PRDX5: variants seen among roughly 807,000 people sequenced by gnomAD.
The protein encoded by PRDX5 is peroxiredoxin 5.
A neutral mutation model predicts 23.8 loss-of-function variants in PRDX5; 21 were observed. That is an observed-to-expected ratio of 0.88 (90% CI 0.63 to 1.27). The LOEUF (loss-of-function observed/expected upper bound fraction) is 1.27, where lower values mean the gene tolerates loss of function less well. Among genes scored for constraint, PRDX5 ranks in the 50% most tolerant of loss-of-function variants. The pLI is 0.00. For synonymous variants in PRDX5, 111 were observed against 113.3 expected, an observed-to-expected ratio of 0.98 and a Z score of 0.13; for missense variants, 261 against 270.6, an observed-to-expected ratio of 0.96 and a Z score of 0.25.
intron 1 of PRDX5, 140 bp downstream of exon 1, chr11:64,318,526 C>T (rs1384806991): frequency 6.2e-6 from 7 of 1,125,818 alleles, no homozygotes; most frequent in Non-Finnish European, 7.5e-6. Context: ...TTCAGAAGGC[C>T]CTCGTGGCTG....
intron 2 of PRDX5, 102 bp downstream of exon 2, chr11:64,319,970 C>G: frequency 1.4e-6 from 2 of 1,472,324 alleles, no homozygotes; most frequent in Non-Finnish European, 1.8e-6. Context: ...CATTTCAGTG[C>G]CATCACAAAA....
chr11:64,320,415 G>A (rs1320731985), intron 2 of PRDX5, among the ~76,000 whole-genome samples: 1 of 152,218 alleles, frequency 6.6e-6, no homozygotes, highest in African/African-American at 2.4e-5. Context: ...TGTGGAAGGT[G>A]CTTGGGACTC....
At chr11:64,318,588 G>C (rs956559208) in intron 1 of PRDX5, among the ~76,000 whole-genome samples, 2 of 152,110 alleles carry the variant, frequency 1.3e-5, no homozygotes, top group African/African-American at 4.8e-5. Flanking sequence ...CAGTCCCGAG[G>C]CATTGTGTTT....
At position 64,318,386 on chromosome 11, in the gene PRDX5, G is replaced by A. The variant is rs560433484; in HGVS notation, c.171G>A (p.Lys57=). ...SRAAAAMAPI[K]VGDAIPAVEV... Reference sequence around the variant, plus strand: ...CCGCTGCAGCCATGGCCCCAATCAAGGTGACCGCTGGCCCGGCCGGGCCTG... The same window carrying A: ...CCGCTGCAGCCATGGCCCCAATCAAAGTGACCGCTGGCCCGGCCGGGCCTG... The change falls in exon 1 of 6, where the codon AAG becomes AAA. Residue 57 remains lysine (K), a splice_region_variant and synonymous_variant. Transcript: ENST00000265462. 4 of 1,604,004 alleles carry A rather than the reference G, an allele frequency of 2.5e-6. No individual in the cohort carries two copies. The South Asian group carries it at 4.4e-5, about 18-fold the overall frequency.
chr11:64,320,580 T>C, intron 2 of PRDX5, 81 bp from the exon 3 acceptor site: 2 of 1,519,306 alleles, frequency 1.3e-6, no homozygotes, highest in Non-Finnish European at 8.8e-7. Flanking sequence ...GGCAGAGCAC[T>C]GAGGAGGGCC....
rs764663456 is a variant in PRDX5 at position 64,320,679 on chromosome 11, G to A, written c.325G>A (p.Val109Met). The change falls in exon 3 of 6, where the codon GTG becomes ATG. Residue 109 changes from valine (V) to methionine (M), a missense_variant. Val to Met is a conservative substitution (Grantham distance 21). Coordinates refer to ENST00000265462, the MANE Select transcript of PRDX5 (RefSeq NM_012094.5). ...TCCTCAGACACACCTGCCAGGGTTT[G>A]TGGAGCAGGCTGAGGCTCTGAAGGC... Reference protein sequence around the residue: ...GCSKTHLPGFVEQAEALKAKG... With the variant: ...GCSKTHLPGFMEQAEALKAKG... The A allele has an allele frequency of 1.2e-6, 2 of 1,604,222 alleles. No individual in the cohort carries two copies. Among genetic ancestry groups the A allele is most frequent in the Non-Finnish European group, 1.7e-6 (2 of 1,173,266 alleles).
At position 64,321,448 on chromosome 11, in the gene PRDX5, G is replaced by C. The variant is rs45534835; in HGVS notation, c.540-138G>C. Reference sequence around the variant, plus strand: ...TGGAGAGAGTCCTGTGTGGTGGTGAGTCCTCTGTGGGGGAGAGTCCTCTGT... The same window carrying C: ...TGGAGAGAGTCCTGTGTGGTGGTGACTCCTCTGTGGGGGAGAGTCCTCTGT... On this transcript the variant is annotated intron_variant, in intron 5 of 5. Transcript: ENST00000265462. 4 of 1,395,764 alleles carry C rather than the reference G, an allele frequency of 2.9e-6. No homozygotes were observed. The African/African-American group carries it at 5.8e-5, about 20-fold the overall frequency. 86.5% of individuals were successfully genotyped at this position (1,395,764 alleles called of 1,614,324 possible). A position where few individuals can be genotyped will look rare whatever the true frequency, so the allele number is the denominator to read the frequency against.
Position 64,319,524 on chromosome 11 carries a change from AG to A in PRDX5, c.172-208del, listed in dbSNP as rs1292563604. On this transcript the variant is annotated intron_variant, in intron 1 of 5. Coordinates refer to ENST00000265462, the MANE Select transcript of PRDX5 (RefSeq NM_012094.5). ...CTGTTGTCACCAATGGCCCCTTAAG[AG>A]GAGCAGGGCCACCTTGAAACTTGGA... 2.0e-5 allele frequency among the ~76,000 whole-genome samples: 3 copies of A among 152,312 alleles called. No homozygotes were observed. The East Asian group carries it at 5.8e-4, about 29-fold the overall frequency.
chr11:64,319,006 C>G (rs1355174458), intron 1 of PRDX5, among the ~76,000 whole-genome samples: 1 of 151,972 alleles, frequency 6.6e-6, no homozygotes, highest in Admixed American at 6.6e-5. Flanking sequence ...TGGCGAATTC[C>G]CACCTTTCTG....
rs774678310 is a variant in PRDX5, at chr11:64,318,314, C to G, written c.99C>G (p.Tyr33Ter). Residue 33 changes from tyrosine (Y) to a stop codon, truncating the protein, a stop_gained, in exon 1 of 6, where the codon TAC becomes TAG. Coordinates refer to ENST00000265462, the MANE Select transcript of PRDX5 (RefSeq NM_012094.5). LOFTEE classifies it high-confidence loss of function. ...GQSAAAAARRYSEGEWASGGV... is the reference protein window; with the variant it reads ...GQSAAAAARR ...CTGCGGCAGCGGCAGCAAGACGGTA[C>G]AGTGAAGGAGAGTGGGCGTCTGGCG... is the stretch of plus-strand genomic sequence containing the variant. The G allele has an allele frequency of 1.2e-6, 2 of 1,612,482 alleles. No individual in the cohort carries two copies. Among genetic ancestry groups the G allele is most frequent in the African/African-American group, 1.3e-5 (1 of 74,898 alleles).
intron 2 of PRDX5, among the ~76,000 whole-genome samples, chr11:64,320,392 A>G (rs952953751): frequency 6.6e-6 from 1 of 152,230 alleles, no homozygotes; most frequent in Non-Finnish European, 1.5e-5. Flanking sequence ...TGGTCCTGCT[A>G]AATGACAGGC....
intron 5 of PRDX5, 107 bp from the exon 6 acceptor site, chr11:64,321,479 G>A: frequency 1.3e-6 from 2 of 1,524,118 alleles, no homozygotes; most frequent in Non-Finnish European, 1.8e-6. Context: ...TCTGTGGGGG[G>A]AGTCCTCTCT....
At chr11:64,320,611 G>A in intron 2 of PRDX5, 50 bp from the exon 3 acceptor site, 1 of 1,542,152 alleles carries the variant, frequency 6.5e-7, no homozygotes, top group African/African-American at 1.4e-5. Context: ...GGGTGGGCTG[G>A]GGGTCAGATG....
intron 1 of PRDX5, 21 bp downstream of exon 1, chr11:64,318,407 G>A (rs764078661): frequency 5.0e-6 from 8 of 1,591,394 alleles, no homozygotes; most frequent in Non-Finnish European, 6.8e-6. Context: ...GCCCGGCCGG[G>A]CCTGACATCC....
chr11:64,321,782 T>G lies in PRDX5; in HGVS notation c.*91T>G, dbSNP rs541660908. The G allele has an allele frequency of 2.4e-5, 34 of 1,435,308 alleles. 1 individual carries two copies. The Admixed American group carries it at 7.5e-4, about 32-fold the overall frequency. The allele number at this position is 1,435,308 out of a possible 1,614,324, so 88.9% of individuals were successfully genotyped here. Reference sequence around the variant, plus strand: ...CTGCAATTGGAATGTTGGCCAGATTTCTGCAATAAACACTTGTGGTTTGCG... The same window carrying G: ...CTGCAATTGGAATGTTGGCCAGATTGCTGCAATAAACACTTGTGGTTTGCG... On this transcript the variant is annotated 3_prime_UTR_variant, in exon 6 of 6. Transcript: ENST00000265462.
rs562055323 is a variant in PRDX5, at chr11:64,318,237, G to T, written c.22G>T (p.Ala8Ser). 42 of 1,611,918 alleles carry T rather than the reference G, an allele frequency of 2.6e-5. No individual in the cohort carries two copies. Among genetic ancestry groups the T allele is most frequent in the Middle Eastern group, 4.4e-4 (2 of 4,508 alleles). Residue 8 changes from alanine (A) to serine (S), a missense_variant, in exon 1 of 6, where the codon GCC (alanine) becomes TCC (serine). Physicochemically the swap from Ala to Ser is moderately conservative, Grantham distance 99. Coordinates refer to ENST00000265462, the MANE Select transcript of PRDX5 (RefSeq NM_012094.5). MGLAGVC[A>S]LRRSAGYILV... ...GGGTATGGGACTAGCTGGCGTGTGC[G>T]CCCTGAGACGCTCAGCGGGCTATAT...
intron 1 of PRDX5, 101 bp from the exon 2 acceptor site, chr11:64,319,633 C>G (rs2035434912): frequency 6.9e-7 from 1 of 1,441,460 alleles, no homozygotes; most frequent in East Asian, 2.3e-5. Context: ...GGTTTCAGCC[C>G]CGGTTCCTGC....
chr11:64,321,726 T>C lies in PRDX5; in HGVS notation c.*35T>C. On this transcript the variant is annotated 3_prime_UTR_variant, in exon 6 of 6. Coordinates refer to ENST00000265462, the MANE Select transcript of PRDX5 (RefSeq NM_012094.5). ...CCAGATTACTTCCTCCACCCCTCCC[T>C]ATCTCACCTGCCCAGCCCTGTGCTG... 6.5e-7 allele frequency: 1 copy of C among 1,540,654 alleles called. No homozygotes were observed. Among genetic ancestry groups the C allele is most frequent in the South Asian group, 1.2e-5 (1 of 83,350 alleles).
Position 64,320,739 on chromosome 11 carries a change from AAT to A in PRDX5, c.386_387del (p.Asn129ArgfsTer23). ...GVQVVACLSV[N>X]DAFVTGEWGR... ...CCAGGTGGTGGCCTGTCTGAGTGTT[AAT>A]GATGCCTTTGTGACTGGCGAGTGGG... On this transcript the variant is annotated frameshift_variant, in exon 3 of 6. Coordinates refer to ENST00000265462, the MANE Select transcript of PRDX5 (RefSeq NM_012094.5). LOFTEE classifies it high-confidence loss of function. 3 of 1,614,032 alleles carry A rather than the reference AAT, an allele frequency of 1.9e-6. No homozygotes were observed. Among genetic ancestry groups the A allele is most frequent in the Non-Finnish European group, 2.5e-6 (3 of 1,179,952 alleles).
Sources: gnomAD v4.1 joint callset for allele counts (sites outside exome capture counted in the v4.1 genomes callset) on GRCh38, gnomAD v4.1.1 for gene constraint, MANE v1.5 for transcripts, NCBI Gene and HGNC (gene_info 2026-07-23, HGNC 2026-07-21) for gene names.